Variants in SPAG16 observed in about 807,000 individuals in gnomAD.
SPAG16 encodes sperm associated antigen 16.
A neutral mutation model predicts 80.4 loss-of-function variants in SPAG16; 86 were observed. The ratio of observed to expected loss-of-function variants is 1.07; its 90% CI spans 0.90 to 1.28. SPAG16 has a LOEUF of 1.28. SPAG16 is among the 50% of genes most tolerant of loss of function. The probability of loss-of-function intolerance (pLI) is 0.00; values close to 1 mark genes in which losing one functional copy is unlikely to be tolerated. For synonymous variants in SPAG16, 294 were observed against 265.9 expected (o/e 1.11, Z -1.03); for missense variants, 870 against 765.3 (o/e 1.14, Z -1.61).
In SPAG16 at chr2:214,174,462, A is replaced by G. The variant is rs568733541; in HGVS notation, c.1720+25196A>G. Among the ~76,000 whole-genome samples, 25 of 152,166 alleles carry G rather than the reference A, an allele frequency of 1.6e-4. No individual in the cohort carries two copies. In the South Asian group the frequency reaches 4.1e-3, roughly 25 times the overall value. Reference sequence around the variant, plus strand: ...CAGACAAACAGAAAGCCAAATCATGAGTGAACTCCCATTCACAATTGCTTC... The same window carrying G: ...CAGACAAACAGAAAGCCAAATCATGGGTGAACTCCCATTCACAATTGCTTC... On this transcript the variant is annotated intron_variant, in intron 15 of 15. Transcript: ENST00000331683.
chr2:213,959,122 T>G (rs757766020), intron 12 of SPAG16, among the ~76,000 whole-genome samples: 3 of 152,234 alleles, frequency 2.0e-5, no homozygotes, highest in Non-Finnish European at 2.9e-5. Context: ...GAGAATCTGA[T>G]GGTAATCTTA....
chr2:213,396,542 G>A (rs1163350803), intron 9 of SPAG16: 22 of 384,094 alleles, frequency 5.7e-5, no homozygotes, highest in Admixed American at 5.7e-4. Flanking sequence ...AAGCTTATGA[G>A]CTCAGTGCGA....
chr2:214,019,933 G>GT (rs2047774497), intron 13 of SPAG16, among the ~76,000 whole-genome samples: 1 of 152,106 alleles, frequency 6.6e-6, no homozygotes, highest in African/African-American at 2.4e-5. Flanking sequence ...TGTAGTAATT[G>GT]CTATATATTC....
chr2:213,665,701 C>T (rs987771996), intron 10 of SPAG16, among the ~76,000 whole-genome samples: 4 of 152,016 alleles, frequency 2.6e-5, no homozygotes, highest in Non-Finnish European at 5.9e-5. Flanking sequence ...TTTAAAGATG[C>T]CTTATTTCAT....
chr2:213,453,444 T>C (rs1338686295), intron 9 of SPAG16, among the ~76,000 whole-genome samples: 1 of 152,208 alleles, frequency 6.6e-6, no homozygotes, highest in Non-Finnish European at 1.5e-5. Context: ...TCAGCACTTG[T>C]CTTGGATATA....
intron 10 of SPAG16, among the ~76,000 whole-genome samples, chr2:213,538,853 T>A (rs552134407): frequency 4.8e-4 from 73 of 152,278 alleles, no homozygotes; most frequent in African/African-American, 1.8e-3. Flanking sequence ...TATCTATCTA[T>A]CATCTATATA....
intron 9 of SPAG16, among the ~76,000 whole-genome samples, chr2:213,485,373 C>T (rs1278715138): frequency 6.6e-6 from 1 of 152,154 alleles, no homozygotes; most frequent in Non-Finnish European, 1.5e-5. Context: ...CAGATGTAAT[C>T]AGCCATCATA....
intron 10 of SPAG16, among the ~76,000 whole-genome samples, chr2:213,767,022 C>T (rs966053678): frequency 6.6e-6 from 1 of 152,172 alleles, no homozygotes; most frequent in Non-Finnish European, 1.5e-5. Context: ...CCTCAATCTC[C>T]ATATCACCAG....
chr2:213,545,997 C>A (rs759911168), intron 10 of SPAG16, among the ~76,000 whole-genome samples: 1 of 152,060 alleles, frequency 6.6e-6, no homozygotes, highest in Admixed American at 6.6e-5. Context: ...ATGTCATTTT[C>A]TCTTTTTGTC....
chr2:213,953,002 T>G (rs2043932184), intron 12 of SPAG16, among the ~76,000 whole-genome samples: 1 of 152,002 alleles, frequency 6.6e-6, no homozygotes. Context: ...TGTAGAAACC[T>G]TCCCAAAGAA....
intron 1 of SPAG16, among the ~76,000 whole-genome samples, chr2:213,289,078 G>T (rs17298252): frequency 0.22 from 32,806 of 152,126 alleles, 4,392 homozygotes; most frequent in Non-Finnish European, 0.31. Context: ...GACTCACCTG[G>T]GGAGCTTTAA....
intron 8 of SPAG16, among the ~76,000 whole-genome samples, chr2:213,366,197 T>A (rs1441017551): frequency 6.6e-6 from 1 of 151,290 alleles, no homozygotes; most frequent in African/African-American, 2.4e-5. Flanking sequence ...CTTGCCTATT[T>A]AACATATATA....
At chr2:213,866,883 G>A (rs936356849) in intron 11 of SPAG16, among the ~76,000 whole-genome samples, 2 of 151,836 alleles carry the variant, frequency 1.3e-5, no homozygotes, top group South Asian at 2.1e-4. Context: ...CACTAACACC[G>A]TCTAACATAT....
chr2:213,393,678 AAT>A (rs1379366156), intron 9 of SPAG16, among the ~76,000 whole-genome samples: 1 of 151,946 alleles, frequency 6.6e-6, no homozygotes, highest in Admixed American at 6.6e-5. Flanking sequence ...GGTTTTATGA[AAT>A]AGTGTCATTT....
chr2:213,649,590 A>G (rs940870143), intron 10 of SPAG16, among the ~76,000 whole-genome samples: 3 of 152,042 alleles, frequency 2.0e-5, no homozygotes, highest in African/African-American at 2.4e-5. Flanking sequence ...TTATTTATTT[A>G]TTTTGAGACA....
At chr2:214,345,752 C>A (rs546331363) in intron 15 of SPAG16, among the ~76,000 whole-genome samples, 6 of 152,146 alleles carry the variant, frequency 3.9e-5, no homozygotes, top group East Asian at 3.9e-4. Flanking sequence ...TAACACCATA[C>A]GTTATTATTA....
At chr2:214,075,758 A>T (rs1010982200) in intron 13 of SPAG16, among the ~76,000 whole-genome samples, 2 of 152,188 alleles carry the variant, frequency 1.3e-5, no homozygotes, top group African/African-American at 4.8e-5. Context: ...ATTTATTTTT[A>T]TCTCAGTATA....
intron 10 of SPAG16, among the ~76,000 whole-genome samples, chr2:213,540,029 ATTTTTTT>A (rs58117443): frequency 1.5e-4 from 17 of 110,832 alleles, no homozygotes; most frequent in Admixed American, 4.2e-4. Flanking sequence ...ATATTTCTTA[ATTTTTTT>A]TTTTTTTTTT....
intron 15 of SPAG16, among the ~76,000 whole-genome samples, chr2:214,194,884 T>C (rs2057779174): frequency 6.6e-6 from 1 of 152,126 alleles, no homozygotes; most frequent in Admixed American, 6.6e-5. Context: ...TTTTAGTTAA[T>C]ACACATTTAT....
Sources: gnomAD v4.1 joint callset for allele counts (sites outside exome capture counted in the v4.1 genomes callset) on GRCh38, gnomAD v4.1.1 for gene constraint, MANE v1.5 for transcripts, NCBI Gene and HGNC (gene_info 2026-07-23, HGNC 2026-07-21) for gene names.